The following FBXL17 variants were observed in gnomAD, a reference collection of about 807,000 sequenced individuals.
The protein encoded by FBXL17 is F-box/LRR-repeat protein 17.
A neutral mutation model predicts 66.2 loss-of-function variants in FBXL17; 22 were observed. The observed-to-expected ratio is 0.33, with a 90% CI of 0.24 to 0.47. The LOEUF is 0.47. Ranked by LOEUF, FBXL17 falls within the 20% of genes least tolerant of loss-of-function variation. FBXL17 has a pLI of 1.00. For missense variants in FBXL17, 878 were observed against 948.2 expected (o/e 0.93, Z 0.97); for synonymous variants, 474 against 400.5 (o/e 1.18, Z -2.19).
rs1020479284 is a variant in FBXL17, at chr5:108,365,069, T to C, written c.1117-74A>G. On this transcript the variant is annotated intron_variant, in intron 2 of 8. Transcript: ENST00000542267. ...GTATTTTCCATTTTTTAATTAAATG[T>C]TCCACAATAAACAATATACTAATTA... The C allele has an allele frequency of 3.2e-5, 35 of 1,092,286 alleles. No homozygotes were observed. In the African/African-American group the frequency reaches 4.9e-4, roughly 15 times the overall value. The allele number at this position is 1,092,286 out of a possible 1,614,324, so 67.7% of individuals were successfully genotyped here.
At chr5:108,375,145 G>C (rs1433894129) in intron 1 of FBXL17, among the ~76,000 whole-genome samples, 1 of 152,112 alleles carries the variant, frequency 6.6e-6, no homozygotes, top group Non-Finnish European at 1.5e-5. Context: ...CTTGAAGCCA[G>C]GAGTTTGAGA....
chr5:107,987,618 T>C (rs1753067334), intron 7 of FBXL17, among the ~76,000 whole-genome samples: 1 of 152,034 alleles, frequency 6.6e-6, no homozygotes, highest in African/African-American at 2.4e-5. Context: ...TTGCATATTG[T>C]GTGTCCAGAA....
chr5:108,301,140 A>C (rs1307818983), intron 4 of FBXL17, among the ~76,000 whole-genome samples: 4 of 151,746 alleles, frequency 2.6e-5, no homozygotes, highest in African/African-American at 9.7e-5. Context: ...AAAATGTACA[A>C]AAACACTCAG....
At chr5:107,968,497 T>G (rs1242219334) in intron 7 of FBXL17, among the ~76,000 whole-genome samples, 2 of 152,168 alleles carry the variant, frequency 1.3e-5, no homozygotes, top group African/African-American at 4.8e-5. Context: ...TTACTCTTGC[T>G]AAACCATTCA....
chr5:108,029,784 T>C (rs1262145455), intron 6 of FBXL17, among the ~76,000 whole-genome samples: 1 of 152,088 alleles, frequency 6.6e-6, no homozygotes, highest in Non-Finnish European at 1.5e-5. Flanking sequence ...TTATTTTTTT[T>C]TTAACCGAAG....
At chr5:107,976,362 T>C (rs534757629) in intron 7 of FBXL17, among the ~76,000 whole-genome samples, 1 of 152,338 alleles carries the variant, frequency 6.6e-6, no homozygotes, top group South Asian at 2.1e-4. Context: ...TATTTGAAGC[T>C]AATAGATAAT....
At chr5:108,316,133 A>G (rs1165322712) in intron 4 of FBXL17, among the ~76,000 whole-genome samples, 1 of 151,512 alleles carries the variant, frequency 6.6e-6, no homozygotes, top group African/African-American at 2.4e-5. Flanking sequence ...GTATATTATG[A>G]AATCTAATAA....
chr5:108,173,257 G>A (rs542021096), intron 6 of FBXL17, among the ~76,000 whole-genome samples: 10 of 152,034 alleles, frequency 6.6e-5, no homozygotes, highest in South Asian at 2.1e-4. Flanking sequence ...AAATAATCCC[G>A]GGATGGGGGA....
At chr5:108,121,609 T>G (rs2149965218) in intron 6 of FBXL17, among the ~76,000 whole-genome samples, 1 of 151,996 alleles carries the variant, frequency 6.6e-6, no homozygotes, top group East Asian at 1.9e-4. Context: ...CAGGCTGGAG[T>G]GCAGTGGCAC....
chr5:108,071,642 C>A (rs1215465867), intron 6 of FBXL17, among the ~76,000 whole-genome samples: 1 of 151,518 alleles, frequency 6.6e-6, no homozygotes, highest in Admixed American at 6.6e-5. Flanking sequence ...CTCTTAGTCT[C>A]TTTCTCTGTT....
chr5:108,190,186 A>C (rs1337423204), intron 5 of FBXL17, among the ~76,000 whole-genome samples: 1 of 152,240 alleles, frequency 6.6e-6, no homozygotes, highest in Non-Finnish European at 1.5e-5. Context: ...GACAAGGGGA[A>C]TATCCTTGCC....
At chr5:108,315,349 T>C (rs1484355968) in intron 4 of FBXL17, among the ~76,000 whole-genome samples, 1 of 151,418 alleles carries the variant, frequency 6.6e-6, no homozygotes, top group Non-Finnish European at 1.5e-5. Context: ...TTCTTCCATT[T>C]ATAATTTAAT....
intron 7 of FBXL17, among the ~76,000 whole-genome samples, chr5:107,985,540 A>G (rs967995885): frequency 3.3e-5 from 5 of 152,162 alleles, no homozygotes; most frequent in African/African-American, 1.2e-4. Context: ...CCCTAAGTGG[A>G]CCTTCTTAAA....
rs181404337 is a variant in FBXL17 at position 108,170,920 on chromosome 5, G to A, written c.1745+15197C>T. Among the ~76,000 whole-genome samples, 8 of 152,132 alleles carry A rather than the reference G, an allele frequency of 5.3e-5. No homozygotes were observed. The East Asian group carries it at 5.8e-4, about 11-fold the overall frequency. On this transcript the variant is annotated intron_variant, in intron 6 of 8. Coordinates refer to ENST00000542267, the MANE Select transcript of FBXL17 (RefSeq NM_001163315.3). ...CACAGTAACAACTATTCTAAGGAAGGGTCTTCTTTCCCCTCTCAATTTCTC... is the reference window on the plus strand; with the variant it reads ...CACAGTAACAACTATTCTAAGGAAGAGTCTTCTTTCCCCTCTCAATTTCTC...
chr5:107,925,457 C>T lies in FBXL17; in HGVS notation c.1823-44278G>A, dbSNP rs551410925. ...TGAAAAGGCCAATGGCTTCCTGTTG[C>T]ACGTACCTGTCTGTGACTTTGTTGA... is the stretch of plus-strand genomic sequence containing the variant. On this transcript the variant is annotated intron_variant, in intron 7 of 8. Coordinates refer to ENST00000542267, the MANE Select transcript of FBXL17 (RefSeq NM_001163315.3). Among the ~76,000 whole-genome samples, 5 of 152,298 alleles carry T rather than the reference C, an allele frequency of 3.3e-5. No homozygotes were observed. In the East Asian group the frequency reaches 7.7e-4, roughly 24 times the overall value.
intron 6 of FBXL17, among the ~76,000 whole-genome samples, chr5:108,135,794 A>G (rs557876739): frequency 8.9e-4 from 136 of 152,280 alleles, no homozygotes; most frequent in African/African-American, 3.1e-3. Context: ...CAATCACTCT[A>G]AACTTTATAA....
chr5:107,954,253 G>A (rs1208657312), intron 7 of FBXL17, among the ~76,000 whole-genome samples: 2 of 152,094 alleles, frequency 1.3e-5, no homozygotes, highest in Non-Finnish European at 2.9e-5. Context: ...AAAATAAAAT[G>A]GATATAAAAT....
chr5:108,076,680 A>AT (rs1748559328), intron 6 of FBXL17, among the ~76,000 whole-genome samples: 1 of 152,214 alleles, frequency 6.6e-6, no homozygotes, highest in South Asian at 2.1e-4. Flanking sequence ...ATTTGCAGCC[A>AT]TAGAGAATCT....
At chr5:107,863,204 T>A (rs1040278062) in intron 8 of FBXL17, among the ~76,000 whole-genome samples, 6 of 151,460 alleles carry the variant, frequency 4.0e-5, no homozygotes, top group Non-Finnish European at 7.4e-5. Flanking sequence ...GAATTTAATA[T>A]AATTTAAATG....
Sources: allele counts gnomAD v4.1 joint callset (sites outside exome capture counted in the v4.1 genomes callset), GRCh38; gene constraint gnomAD v4.1.1; transcripts MANE v1.5; gene names NCBI Gene and HGNC (gene_info 2026-07-23, HGNC 2026-07-21).